The following CDH8 variants were observed in gnomAD, a reference collection of about 807,000 sequenced individuals.
CDH8 encodes cadherin-8.
Under a neutral mutation model 68.1 loss-of-function variants are expected in CDH8, and 17 were observed. The observed-to-expected ratio is 0.25, with a 90% CI of 0.17 to 0.37. CDH8 has a LOEUF of 0.37. Among genes scored for constraint, CDH8 ranks in the 10% least tolerant of loss-of-function variants. CDH8 has a pLI of 1.00. For missense variants in CDH8, 763 were observed against 999.3 expected (o/e 0.76, Z 3.19); for synonymous variants, 372 against 365.1 (o/e 1.02, Z -0.21).
At chr16:61,876,248 T>C (rs1963457794) in intron 3 of CDH8, among the ~76,000 whole-genome samples, 1 of 152,180 alleles carries the variant, frequency 6.6e-6, no homozygotes, top group African/African-American at 2.4e-5. Flanking sequence ...TTGTACTTTT[T>C]TATCCAAAAT....
chr16:61,866,727 T>C (rs1963262373), intron 3 of CDH8, among the ~76,000 whole-genome samples: 2 of 152,132 alleles, frequency 1.3e-5, no homozygotes, highest in Admixed American at 1.3e-4. Flanking sequence ...CATTGCTTTA[T>C]TTAAAAAATA....
In CDH8 at chr16:61,779,425, A is replaced by ATGTGTGTGTGTG. The variant is rs10539934; in HGVS notation, c.1414+9909_1414+9920dup. On this transcript the variant is annotated intron_variant, in intron 8 of 11. Transcript: ENST00000577390. ...TATTGTCAAATTTTAATGTTCGTTT[A>ATGTGTGTGTGTG]TGTGTGTGTGTGTGTGTGTGTGTGT... 3.6e-3 allele frequency among the ~76,000 whole-genome samples: 503 copies of ATGTGTGTGTGTG among 139,092 alleles called. 3 individuals carry two copies. The highest frequency in any genetic ancestry group is 7.7e-3 in the East Asian group (34 of 4,442). The allele number at this position is 139,092 out of a possible 152,430, so 91.2% of individuals were successfully genotyped here. A position where few individuals can be genotyped will look rare whatever the true frequency, so the allele number is the denominator to read the frequency against.
intron 8 of CDH8, among the ~76,000 whole-genome samples, chr16:61,776,731 A>G (rs1370502522): frequency 1.3e-5 from 2 of 152,132 alleles, no homozygotes; most frequent in Non-Finnish European, 2.9e-5. Context: ...ATACTATAAA[A>G]TTGATATTAG....
intron 2 of CDH8, among the ~76,000 whole-genome samples, chr16:61,928,813 G>GA (rs1964494594): frequency 6.6e-6 from 1 of 152,176 alleles, no homozygotes; most frequent in Non-Finnish European, 1.5e-5. Context: ...AATGGCATCT[G>GA]AACATTGTAG....
intron 2 of CDH8, among the ~76,000 whole-genome samples, chr16:61,908,880 G>A (rs546586577): frequency 6.6e-6 from 1 of 152,186 alleles, no homozygotes; most frequent in South Asian, 2.1e-4. Context: ...CAAAATTTTA[G>A]TTAAAATTAA....
intron 4 of CDH8, among the ~76,000 whole-genome samples, chr16:61,837,148 C>G (rs935398716): frequency 6.6e-6 from 1 of 151,616 alleles, no homozygotes; most frequent in African/African-American, 2.4e-5. Flanking sequence ...TCCTCCTCCT[C>G]CTCCCCTTAT....
chr16:61,960,230 CAT>C (rs1316470373), intron 2 of CDH8, among the ~76,000 whole-genome samples: 2 of 74,302 alleles, frequency 2.7e-5, no homozygotes, highest in South Asian at 3.9e-4. Flanking sequence ...TGTATACACA[CAT>C]ATATACATGT....
intron 2 of CDH8, among the ~76,000 whole-genome samples, chr16:61,944,165 G>A (rs572727718): frequency 5.9e-5 from 9 of 152,182 alleles, no homozygotes; most frequent in Non-Finnish European, 1.2e-4. Flanking sequence ...TTGTGAGGCT[G>A]GAATGAGACA....
chr16:61,727,459 T>C (rs1408757067), intron 8 of CDH8, among the ~76,000 whole-genome samples: 1 of 151,100 alleles, frequency 6.6e-6, no homozygotes, highest in Non-Finnish European at 1.5e-5. Context: ...CATTTCTGAA[T>C]AAATTAAAAG....
intron 9 of CDH8, among the ~76,000 whole-genome samples, chr16:61,720,829 G>GCCA (rs1267878861): frequency 3.3e-5 from 5 of 150,594 alleles, no homozygotes; most frequent in Non-Finnish European, 6.0e-5. Flanking sequence ...GTTGCTTTAA[G>GCCA]CCACCTCATA....
intron 10 of CDH8, among the ~76,000 whole-genome samples, chr16:61,663,739 C>T (rs1963614367): frequency 6.6e-6 from 1 of 152,038 alleles, no homozygotes; most frequent in African/African-American, 2.4e-5. Flanking sequence ...ACCTAACTAC[C>T]TATCTATCCA....
At chr16:61,818,765 T>G (rs1962141106) in intron 6 of CDH8, among the ~76,000 whole-genome samples, 1 of 152,142 alleles carries the variant, frequency 6.6e-6, no homozygotes, top group African/African-American at 2.4e-5. Context: ...AAATTTCTCA[T>G]AAGAAATAGA....
At chr16:61,826,333 C>T (rs1450281590) in intron 4 of CDH8, among the ~76,000 whole-genome samples, 1 of 151,786 alleles carries the variant, frequency 6.6e-6, no homozygotes, top group Non-Finnish European at 1.5e-5. Context: ...TCATATTTTC[C>T]CATGTCAAAC....
At chr16:61,679,737 A>G (rs1963978394) in intron 10 of CDH8, among the ~76,000 whole-genome samples, 1 of 151,972 alleles carries the variant, frequency 6.6e-6, no homozygotes, top group Non-Finnish European at 1.5e-5. Flanking sequence ...ATCACAAATC[A>G]TTGGGCATCT....
At chr16:62,028,799 G>A (rs921335917) in intron 1 of CDH8, among the ~76,000 whole-genome samples, 3 of 151,682 alleles carry the variant, frequency 2.0e-5, no homozygotes, top group Non-Finnish European at 1.5e-5. Context: ...ACACAGTGGT[G>A]GCCAGAAAGT....
intron 10 of CDH8, among the ~76,000 whole-genome samples, chr16:61,681,814 T>C (rs113149757): frequency 4.6e-5 from 7 of 152,008 alleles, no homozygotes; most frequent in African/African-American, 1.7e-4. Flanking sequence ...AAAATCGTGA[T>C]CCTAAAGCTT....
rs796958055 is a variant in CDH8, at chr16:62,036,371, A to G, written c.-491T>C. ...GCTTGGAGGAGGCAGGGAGATTCCA[A>G]ATAAATCCACTAATTCTGGGCTGAG... On this transcript the variant is annotated 5_prime_UTR_variant, in exon 1 of 12. Coordinates refer to ENST00000577390, the MANE Select transcript of CDH8 (RefSeq NM_001796.5). 6.5e-6 allele frequency: 1 copy of G among 152,700 alleles called. No homozygotes were observed. Among genetic ancestry groups the G allele is most frequent in the African/African-American group, 2.4e-5 (1 of 41,492 alleles). 9.5% of individuals were successfully genotyped at this position (152,700 alleles called of 1,614,324 possible).
intron 7 of CDH8, among the ~76,000 whole-genome samples, chr16:61,793,510 T>G (rs1961429122): frequency 6.6e-6 from 1 of 152,034 alleles, no homozygotes; most frequent in African/African-American, 2.4e-5. Context: ...GGTATTTGGA[T>G]TTATGTTCCT....
intron 2 of CDH8, among the ~76,000 whole-genome samples, chr16:61,986,874 C>G (rs2077139253): frequency 6.6e-6 from 1 of 152,148 alleles, no homozygotes; most frequent in Non-Finnish European, 1.5e-5. Flanking sequence ...TTTCTCTAAG[C>G]ATCTTAGTGT....
Sources: gnomAD v4.1 joint callset for allele counts (sites outside exome capture counted in the v4.1 genomes callset) on GRCh38, gnomAD v4.1.1 for gene constraint, MANE v1.5 for transcripts, NCBI Gene and HGNC (gene_info 2026-07-23, HGNC 2026-07-21) for gene names.